The following TRDN variants were observed in gnomAD, a reference collection of about 807,000 sequenced individuals.
TRDN encodes the protein triadin in skeletal muscle.
A neutral mutation model predicts 149.7 loss-of-function variants in TRDN; 161 were observed. The ratio of observed to expected loss-of-function variants is 1.08; its 90% CI spans 0.95 to 1.23. TRDN has a LOEUF of 1.23. TRDN is among the 50% of genes most tolerant of loss of function. The probability of loss-of-function intolerance (pLI) is 0.00; values close to 1 mark genes in which losing one functional copy is unlikely to be tolerated. For synonymous variants in TRDN, 294 were observed against 250.5 expected (o/e 1.17, Z -1.64); for missense variants, 896 against 823.5 (o/e 1.09, Z -1.08).
chr6:123,485,860 A>AT (rs1047282124), intron 9 of TRDN, among the ~76,000 whole-genome samples: 1 of 151,782 alleles, frequency 6.6e-6, no homozygotes, highest in South Asian at 2.1e-4. Flanking sequence ...ATTCTATTTA[A>AT]TTTTTTTCTC....
At chr6:123,477,198 C>G (rs1309878260) in intron 9 of TRDN, among the ~76,000 whole-genome samples, 1 of 131,546 alleles carries the variant, frequency 7.6e-6, no homozygotes, top group Non-Finnish European at 1.6e-5. Flanking sequence ...ACAATGAACT[C>G]AAACAAATTT....
chr6:123,603,880 C>G (rs1334702525), intron 1 of TRDN, among the ~76,000 whole-genome samples: 1 of 152,158 alleles, frequency 6.6e-6, no homozygotes, highest in Non-Finnish European at 1.5e-5. Context: ...TCACATGCAT[C>G]TAATAATCTA....
intron 37 of TRDN, among the ~76,000 whole-genome samples, chr6:123,253,417 T>A (rs1173440727): frequency 1.3e-5 from 2 of 152,108 alleles, no homozygotes; most frequent in African/African-American, 4.8e-5. Flanking sequence ...AAAAATTAGG[T>A]TATTCCTATT....
chr6:123,552,984 C>T (rs1288391574), intron 2 of TRDN, among the ~76,000 whole-genome samples: 2 of 152,172 alleles, frequency 1.3e-5, no homozygotes, highest in African/African-American at 4.8e-5. Context: ...GTACTCTGTG[C>T]TTCCATTTGC....
intron 24 of TRDN, among the ~76,000 whole-genome samples, chr6:123,289,131 AAT>A (rs1009108252): frequency 5.4e-5 from 8 of 147,166 alleles, no homozygotes; most frequent in Middle Eastern, 3.3e-3. Flanking sequence ...ATATATATAA[AAT>A]ATGTTATATA....
intron 19 of TRDN, among the ~76,000 whole-genome samples, chr6:123,367,816 T>C (rs1412205123): frequency 6.6e-6 from 1 of 152,192 alleles, no homozygotes; most frequent in Non-Finnish European, 1.5e-5. Flanking sequence ...GACCGCACTT[T>C]GGAAACTGAT....
chr6:123,577,864 C>T lies in TRDN; in HGVS notation c.23-6732G>A, dbSNP rs145542458. 1.1e-3 allele frequency among the ~76,000 whole-genome samples: 163 copies of T among 152,152 alleles called. 2 individuals carry two copies. Among genetic ancestry groups the T allele is most frequent in the African/African-American group, 3.7e-3 (152 of 41,544 alleles). The stretch of plus-strand genomic sequence containing the variant: ...TGAGATAGTATCTCATTGTAGTTTT[C>T]ATTTGCATTTCTCTAAAGATCAGTG... On this transcript the variant is annotated intron_variant, in intron 1 of 40. Transcript: ENST00000334268.
At chr6:123,313,949 A>T (rs1470264912) in intron 24 of TRDN, among the ~76,000 whole-genome samples, 1 of 152,098 alleles carries the variant, frequency 6.6e-6, no homozygotes, top group African/African-American at 2.4e-5. Context: ...CAAAGATTTC[A>T]TGATGAGGAT....
rs950627765 is a variant in TRDN at position 123,455,422 on chromosome 6, G to A, written c.931+9484C>T. ...AGGCAACCACTGTGTGTGTGTGTGT[G>A]TGTGTGTGTGTGTGTGTCTGTGTGT... On this transcript the variant is annotated intron_variant, in intron 10 of 40. Transcript: ENST00000334268. Among the ~76,000 whole-genome samples the A allele has an allele frequency of 2.7e-5, 4 of 149,308 alleles. No individual in the cohort carries two copies. The East Asian group carries it at 7.8e-4, about 29-fold the overall frequency.
At chr6:123,505,323 T>TGATTTCA (rs1158099160) in intron 7 of TRDN, among the ~76,000 whole-genome samples, 34 of 150,460 alleles carry the variant, frequency 2.3e-4, no homozygotes, top group African/African-American at 8.3e-4. Flanking sequence ...CCCTAAATGA[T>TGATTTCA]GATTTCAGGC....
At chr6:123,344,014 A>G (rs1484730939) in intron 21 of TRDN, among the ~76,000 whole-genome samples, 1 of 152,072 alleles carries the variant, frequency 6.6e-6, no homozygotes, top group African/African-American at 2.4e-5. Flanking sequence ...TCTGCATGTC[A>G]GGATACAAAA....
chr6:123,582,871 C>T (rs754319754), intron 1 of TRDN, among the ~76,000 whole-genome samples: 378 of 149,464 alleles, frequency 2.5e-3, no homozygotes, highest in Non-Finnish European at 4.4e-3. Flanking sequence ...ATTGGGGGGG[C>T]GTGGGAACCT....
At position 123,267,755 on chromosome 6, in the gene TRDN, G is replaced by T. The variant is rs972108892; in HGVS notation, c.1739-4C>A. The T allele has an allele frequency of 2.6e-6, 4 of 1,566,752 alleles. No homozygotes were observed. The African/African-American group carries it at 4.1e-5, about 16-fold the overall frequency. The stretch of plus-strand genomic sequence containing the variant: ...CTTTCTCGATGTTCAGCTTTTTCTA[G>T]AGAAAGAAATCAAAATTCACTGGCA... On this transcript the variant is annotated splice_region_variant and splice_polypyrimidine_tract_variant and intron_variant, in intron 31 of 40. Transcript: ENST00000334268.
chr6:123,549,912 T>G (rs999245398), intron 2 of TRDN, among the ~76,000 whole-genome samples: 1 of 151,854 alleles, frequency 6.6e-6, no homozygotes, highest in African/African-American at 2.4e-5. Flanking sequence ...TGTGAGAAAC[T>G]AGAATGAAGG....
intron 10 of TRDN, among the ~76,000 whole-genome samples, chr6:123,450,060 T>C (rs1184849629): frequency 3.3e-5 from 5 of 152,166 alleles, no homozygotes; most frequent in African/African-American, 1.2e-4. Flanking sequence ...CAAGAACTGC[T>C]AAAAGGAGCT....
intron 5 of TRDN, among the ~76,000 whole-genome samples, chr6:123,528,055 G>A (rs184125858): frequency 6.8e-4 from 103 of 151,734 alleles, no homozygotes; most frequent in Admixed American, 2.7e-3. Context: ...GGAAAATATC[G>A]AACAAAATAA....
rs570185380 is a variant in TRDN, at chr6:123,351,629, A to G, written c.1369+910T>C. 4.7e-5 allele frequency: 45 copies of G among 959,176 alleles called. No individual in the cohort carries two copies. The African/African-American group carries it at 7.8e-4, about 17-fold the overall frequency. The allele number at this position is 959,176 out of a possible 1,614,324, so 59.4% of individuals were successfully genotyped here. A position where few individuals can be genotyped will look rare whatever the true frequency, so the allele number is the denominator to read the frequency against. On this transcript the variant is annotated intron_variant, in intron 21 of 40. Transcript: ENST00000334268. ...CTGAATTCTTAACCTTAGTTTACTT[A>G]TTTGACATGTGAGGGATTGAAGGAT...
chr6:123,419,673 G>A (rs1773811424), intron 12 of TRDN, among the ~76,000 whole-genome samples: 1 of 152,146 alleles, frequency 6.6e-6, no homozygotes, highest in Admixed American at 6.5e-5. Context: ...AAAAGCTTCT[G>A]AGATGGAGCA....
At chr6:123,418,219 G>A (rs1362626885) in intron 12 of TRDN, among the ~76,000 whole-genome samples, 2 of 152,104 alleles carry the variant, frequency 1.3e-5, no homozygotes, top group African/African-American at 2.4e-5. Flanking sequence ...TGTTCGCACT[G>A]TTGCCCTCCA....
Sources: gnomAD v4.1 joint callset for allele counts (sites outside exome capture counted in the v4.1 genomes callset) on GRCh38, gnomAD v4.1.1 for gene constraint, MANE v1.5 for transcripts, NCBI Gene and HGNC (gene_info 2026-07-23, HGNC 2026-07-21) for gene names.